GPC5: variants seen among roughly 807,000 people sequenced by gnomAD.
GPC5 encodes glypican 5.
GPC5 carries 47 observed loss-of-function variants against 53.9 expected under a neutral mutation model. That is an observed-to-expected ratio of 0.87 (90% CI 0.69 to 1.11). GPC5 has a LOEUF of 1.11. Ranked by LOEUF, GPC5 falls within the 50% of genes most tolerant of loss-of-function variation. The probability of loss-of-function intolerance (pLI) is 0.00; values close to 1 mark genes in which losing one functional copy is unlikely to be tolerated. For synonymous variants in GPC5, 286 were observed against 263.3 expected, an observed-to-expected ratio of 1.09 and a Z score of -0.84; for missense variants, 748 against 713.1, an observed-to-expected ratio of 1.05 and a Z score of -0.56.
At chr13:92,015,778 T>C (rs1315187448) in intron 6 of GPC5, among the ~76,000 whole-genome samples, 1 of 152,210 alleles carries the variant, frequency 6.6e-6, no homozygotes, top group Non-Finnish European at 1.5e-5. Context: ...CAGATTCAGT[T>C]ATGTATATAT....
chr13:92,158,719 C>A (rs2041963849), intron 7 of GPC5, among the ~76,000 whole-genome samples: 1 of 150,770 alleles, frequency 6.6e-6, no homozygotes, highest in African/African-American at 2.5e-5. Flanking sequence ...GGTCTCTCTG[C>A]TTCTGTATTG....
At chr13:92,446,170 A>G (rs1455908574) in intron 7 of GPC5, among the ~76,000 whole-genome samples, 2 of 151,906 alleles carry the variant, frequency 1.3e-5, no homozygotes, top group Non-Finnish European at 2.9e-5. Flanking sequence ...GCTATAAAAT[A>G]CTAGATTTTA....
Position 92,445,500 on chromosome 13 carries a change from G to A in GPC5, c.1561+300511G>A, listed in dbSNP as rs554093653. On this transcript the variant is annotated intron_variant, in intron 7 of 7. Transcript: ENST00000377067. ...CCCACAACAGTCCCCAGAGTGTGAT[G>A]TTCCCCTTCCTGTGTCCATGTGTTC... Among the ~76,000 whole-genome samples, 21 of 122,188 alleles carry A rather than the reference G, an allele frequency of 1.7e-4. No individual in the cohort carries two copies. The East Asian group carries it at 3.2e-3, about 18-fold the overall frequency. The allele number at this position is 122,188 out of a possible 152,430, so 80.2% of individuals were successfully genotyped here. A position where few individuals can be genotyped will look rare whatever the true frequency, so the allele number is the denominator to read the frequency against.
At chr13:92,734,301 G>T (rs1888882262) in intron 7 of GPC5, among the ~76,000 whole-genome samples, 2 of 151,750 alleles carry the variant, frequency 1.3e-5, no homozygotes. Flanking sequence ...ATCCTCTGGT[G>T]CATGTTTGCA....
chr13:92,383,395 TTTGTC>T (rs761697581), intron 7 of GPC5, among the ~76,000 whole-genome samples: 58 of 152,196 alleles, frequency 3.8e-4, no homozygotes, highest in Non-Finnish European at 7.2e-4. Flanking sequence ...CTCTAATACA[TTTGTC>T]TTGTCTTTAG....
intron 6 of GPC5, among the ~76,000 whole-genome samples, chr13:92,031,458 C>T (rs1007608920): frequency 6.6e-6 from 1 of 151,640 alleles, no homozygotes; most frequent in African/African-American, 2.4e-5. Flanking sequence ...GGAATCTTCA[C>T]ACTGTTTTCC....
At chr13:92,465,061 G>A (rs992121767) in intron 7 of GPC5, among the ~76,000 whole-genome samples, 2 of 151,858 alleles carry the variant, frequency 1.3e-5, no homozygotes, top group African/African-American at 4.8e-5. Flanking sequence ...AATATAAGGA[G>A]GGAAGCCAGA....
intron 7 of GPC5, among the ~76,000 whole-genome samples, chr13:92,647,684 A>G (rs1885818843): frequency 6.6e-6 from 1 of 152,162 alleles, no homozygotes; most frequent in Non-Finnish European, 1.5e-5. Context: ...AGTACATTAT[A>G]GAATCAAAGG....
chr13:92,532,883 A>T (rs1360800150), intron 7 of GPC5, among the ~76,000 whole-genome samples: 1 of 152,308 alleles, frequency 6.6e-6, no homozygotes, highest in Non-Finnish European at 1.5e-5. Context: ...AGTTATAAAC[A>T]GTCAAAACAA....
At chr13:91,501,708 G>A (rs569117434) in intron 2 of GPC5, among the ~76,000 whole-genome samples, 46 of 152,230 alleles carry the variant, frequency 3.0e-4, no homozygotes, top group African/African-American at 1.1e-3. Flanking sequence ...ATAAACATAC[G>A]TGTGCATGTG....
At chr13:92,352,106 G>A (rs2043483013) in intron 7 of GPC5, among the ~76,000 whole-genome samples, 1 of 152,134 alleles carries the variant, frequency 6.6e-6, no homozygotes, top group Admixed American at 6.6e-5. Context: ...GAAACAGTCA[G>A]AATGCTGAGA....
Position 91,776,987 on chromosome 13 carries a change from G to A in GPC5, c.1280+20567G>A, listed in dbSNP as rs1010303579. On this transcript the variant is annotated intron_variant, in intron 5 of 7. Coordinates refer to ENST00000377067, the MANE Select transcript of GPC5 (RefSeq NM_004466.6). ...TACTTTAACCTTATAATGTGTAACC[G>A]CCCAATAAAAATGCTTTTAAAGCCC... 5.3e-5 allele frequency among the ~76,000 whole-genome samples: 8 copies of A among 152,118 alleles called. No homozygotes were observed. In the East Asian group the frequency reaches 7.7e-4, roughly 15 times the overall value.
At chr13:92,249,968 A>G (rs904098745) in intron 7 of GPC5, among the ~76,000 whole-genome samples, 1 of 152,106 alleles carries the variant, frequency 6.6e-6, no homozygotes, top group Non-Finnish European at 1.5e-5. Flanking sequence ...ATATAATTGC[A>G]TACTTTAAAC....
chr13:92,615,143 A>G (rs1884638590), intron 7 of GPC5, among the ~76,000 whole-genome samples: 3 of 152,218 alleles, frequency 2.0e-5, no homozygotes, highest in Admixed American at 6.5e-5. Flanking sequence ...CTTTTCAAAC[A>G]TCACATATTT....
chr13:91,984,759 T>G (rs1483544649), intron 6 of GPC5, among the ~76,000 whole-genome samples: 3 of 152,226 alleles, frequency 2.0e-5, no homozygotes, highest in African/African-American at 7.2e-5. Flanking sequence ...TTAAAAAGCC[T>G]AAACATTATT....
At chr13:92,590,683 G>A (rs147797354) in intron 7 of GPC5, among the ~76,000 whole-genome samples, 20 of 152,294 alleles carry the variant, frequency 1.3e-4, no homozygotes, top group Middle Eastern at 3.4e-3. Context: ...CTCAGCCCAC[G>A]TTGTTATTGC....
chr13:91,933,376 C>G (rs1292985726), intron 6 of GPC5, among the ~76,000 whole-genome samples: 1 of 151,792 alleles, frequency 6.6e-6, no homozygotes, highest in African/African-American at 2.4e-5. Flanking sequence ...CATATTTTTT[C>G]TCTACTGAGA....
intron 6 of GPC5, among the ~76,000 whole-genome samples, chr13:92,119,518 G>C (rs569772310): frequency 7.1e-6 from 1 of 141,266 alleles, no homozygotes; most frequent in Admixed American, 7.4e-5. Context: ...TCCTGCCTCA[G>C]CCTCCCACGT....
At chr13:92,441,458 C>T (rs1222728743) in intron 7 of GPC5, among the ~76,000 whole-genome samples, 1 of 152,136 alleles carries the variant, frequency 6.6e-6, no homozygotes, top group Non-Finnish European at 1.5e-5. Flanking sequence ...CCGTAAGGCT[C>T]CTAGAACTAA....
Sources: gnomAD v4.1 joint callset for allele counts (sites outside exome capture counted in the v4.1 genomes callset) on GRCh38, gnomAD v4.1.1 for gene constraint, MANE v1.5 for transcripts, NCBI Gene and HGNC (gene_info 2026-07-23, HGNC 2026-07-21) for gene names.